Variants in UBR4 observed in about 807,000 individuals in gnomAD.
UBR4 encodes E3 ubiquitin-protein ligase UBR4.
UBR4 carries 124 observed loss-of-function variants against 575.6 expected under a neutral mutation model. That is an observed-to-expected ratio of 0.22 (90% confidence interval 0.19 to 0.25). The LOEUF (loss-of-function observed/expected upper bound fraction) is 0.25, where lower values mean the gene tolerates loss of function less well. UBR4 is among the 10% of genes least tolerant of loss of function. The pLI is 1.00. For synonymous variants in UBR4, 2,455 were observed against 2,473.7 expected (o/e 0.99, Z 0.22); for missense variants, 4,818 against 6,478.8 (o/e 0.74, Z 8.80).
In UBR4 at chr1:19,166,714, CAAAAAAAAA is replaced by C. The variant is rs535369262; in HGVS notation, c.4109+299_4109+307del. ...ACAACATGGCAAACTCCATCTCTACCAAAAAAAAAAAAAAAAAAAAAAAAAAAAAAAAAA... is the reference window on the plus strand; with the variant it reads ...ACAACATGGCAAACTCCATCTCTACCAAAAAAAAAAAAAAAAAAAAAAAAA... On this transcript the variant is annotated intron_variant, in intron 29 of 105. Transcript: ENST00000375254. 8.0e-4 allele frequency among the ~76,000 whole-genome samples: 59 copies of C among 73,714 alleles called. 1 individual carries two copies. Among genetic ancestry groups the C allele is most frequent in the South Asian group, 1.6e-3 (3 of 1,826 alleles). The allele number at this position is 73,714 out of a possible 152,430, so 48.4% of individuals were successfully genotyped here. A position where few individuals can be genotyped will look rare whatever the true frequency, so the allele number is the denominator to read the frequency against.
Position 19,126,512 on chromosome 1 carries a change from C to G in UBR4, c.9372G>C (p.Leu3124Phe). The change falls in exon 64 of 106, where the codon TTG becomes TTC. Residue 3124 changes from leucine (L) to phenylalanine (F), a missense_variant. This residue lies in a region of UBR4 where 550 missense variants were observed against 791.5 expected (regional missense o/e 0.69). Transcript: ENST00000375254. The part of the protein sequence containing the change: ...NDEEPVATSQ[L>F]LKPHTTSSPP... ...GGGAGGAGGTAGTATGTGGTTTCAGCAACTGGCTGGTAGCCACAGGCTCCT... is the reference window on the plus strand; with the variant it reads ...GGGAGGAGGTAGTATGTGGTTTCAGGAACTGGCTGGTAGCCACAGGCTCCT... 1 of 1,614,186 alleles carries G rather than the reference C, an allele frequency of 6.2e-7. No homozygotes were observed. The highest frequency in any genetic ancestry group is 8.5e-7 in the Non-Finnish European group (1 of 1,180,030).
In UBR4 at chr1:19,153,313, T is replaced by C. The variant is rs759277498; in HGVS notation, c.6820A>G (p.Thr2274Ala). The change falls in exon 46 of 106, where the codon ACA becomes GCA. Residue 2274 changes from threonine to alanine, a missense_variant. Coordinates refer to ENST00000375254, the MANE Select transcript of UBR4 (RefSeq NM_020765.3). This position sits in a 1 kb window ranked among gnomAD's most constrained non-coding sequence, Gnocchi z 4.1. ...SIMKPVRKRK[T>A]ATITTRTSSQ... is the part of the protein sequence containing the mutation. Reference sequence around the variant, plus strand: ...GAAGGAGCCTTACTGATTGTAGCTGTTTTGCGCTTTCGAACAGGCTTCATG... The same window carrying C: ...GAAGGAGCCTTACTGATTGTAGCTGCTTTGCGCTTTCGAACAGGCTTCATG... 1 of 1,614,168 alleles carries C rather than the reference T, an allele frequency of 6.2e-7. No individual in the cohort carries two copies. The highest frequency in any genetic ancestry group is 1.3e-5 in the African/African-American group (1 of 75,046).
At chr1:19,095,730 TA>T in intron 92 of UBR4, 78 bp from the exon 93 acceptor site, 1 of 1,355,584 alleles carries the variant, frequency 7.4e-7, no homozygotes, top group Non-Finnish European at 1.1e-6. Context: ...AAGGGATGTC[TA>T]AGCAGGGTCT....
At chr1:19,133,308 T>G (rs1157492935) in intron 60 of UBR4, among the ~76,000 whole-genome samples, 1 of 152,106 alleles carries the variant, frequency 6.6e-6, no homozygotes, top group African/African-American at 2.4e-5. Context: ...TATAAGTGAT[T>G]CAATACATGA....
intron 14 of UBR4, 120 bp from the exon 15 acceptor site, chr1:19,185,406 G>A (rs1417637955): frequency 2.1e-6 from 2 of 972,600 alleles, no homozygotes; most frequent in Non-Finnish European, 2.9e-6. Context: ...TGTGATGATG[G>A]TTACAAGATT....
chr1:19,087,163 CT>C (rs1406134083), intron 99 of UBR4, among the ~76,000 whole-genome samples: 1 of 152,276 alleles, frequency 6.6e-6, no homozygotes. Flanking sequence ...TATTCCCTTG[CT>C]TTTCAAAACC....
intron 52 of UBR4, chr1:19,146,213 C>T (rs2084849282): frequency 1.1e-6 from 1 of 886,572 alleles, no homozygotes; most frequent in African/African-American, 1.7e-5. Flanking sequence ...AACTGTTCAA[C>T]TTCTAAAACG....
At chr1:19,161,205 T>C in intron 37 of UBR4, 58 bp from the exon 38 acceptor site, 1 of 1,512,472 alleles carries the variant, frequency 6.6e-7, no homozygotes, top group Admixed American at 1.8e-5. Flanking sequence ...GAGGAAATAC[T>C]GCCTGAGATC....
chr1:19,204,292 C>G (rs1009268004), intron 1 of UBR4, among the ~76,000 whole-genome samples: 1 of 152,176 alleles, frequency 6.6e-6, no homozygotes, highest in South Asian at 2.1e-4. Context: ...TGAGCCTCCA[C>G]GCCTGGCCCC....
Position 19,148,083 on chromosome 1 carries a change from C to T in UBR4, c.7539G>A (p.Leu2513=). ...NAAQELATLL[L]SLPAPASVQQ... is the part of the protein sequence containing the mutation. ...GGACACTGGCAGGTGCTGGCAGGGA[C>T]AACAGCAAAGTGGCCAGCTCCTGAG... The change falls in exon 51 of 106, where the codon TTG becomes TTA. Residue 2513 remains leucine, a synonymous_variant. Transcript: ENST00000375254. The T allele has an allele frequency of 1.2e-6, 2 of 1,611,088 alleles. No homozygotes were observed. Among genetic ancestry groups the T allele is most frequent in the Non-Finnish European group, 1.7e-6 (2 of 1,179,896 alleles).
Position 19,156,903 on chromosome 1 carries a change from G to A in UBR4, c.5783C>T (p.Ala1928Val). ...GCTGGAATCTGCTTGCTTCAGGAGT[G>A]CAGAGAGCTGCAGAACGGTGATCTG... is the stretch of plus-strand genomic sequence containing the variant. The part of the protein sequence containing the change: ...KGKITVLQLS[A>V]LLKQADSSKR... Residue 1928 changes from alanine (A) to valine (V), a missense_variant, in exon 41 of 106, where the codon GCA becomes GTA. Coordinates refer to ENST00000375254, the MANE Select transcript of UBR4 (RefSeq NM_020765.3). 1 of 1,613,972 alleles carries A rather than the reference G, an allele frequency of 6.2e-7. No homozygotes were observed. The highest frequency in any genetic ancestry group is 8.5e-7 in the Non-Finnish European group (1 of 1,179,908).
In UBR4 at chr1:19,145,868, GGGTGAT is replaced by G; in HGVS notation, c.7864_7869del (p.Ile2622_Thr2623del). ...AGTTTCCAGAAGTGGTTCACAAGCT[GGGTGAT>G]GAAACTACAGCAATCTCCTTCCAAC... On this transcript the variant is annotated inframe_deletion, in exon 53 of 106. Transcript: ENST00000375254. 1 of 1,614,186 alleles carries G rather than the reference GGGTGAT, an allele frequency of 6.2e-7. No individual in the cohort carries two copies. The highest frequency in any genetic ancestry group is 8.5e-7 in the Non-Finnish European group (1 of 1,180,022).
chr1:19,128,245 G>A lies in UBR4; in HGVS notation c.9077C>T (p.Ser3026Phe). Residue 3026 changes from serine (S) to phenylalanine (F), a missense_variant, in exon 62 of 106, where the codon TCC (serine) becomes TTC (phenylalanine). By Grantham distance (155) the Ser-to-Phe change is radical (BLOSUM62 -2). This residue lies in a region of UBR4 where 550 missense variants were observed against 791.5 expected (regional missense o/e 0.69). Transcript: ENST00000375254. ...CATACCCAACTCAGCAATAAGCTGG[G>A]AGAGCAGGTTGTCTAGGGCCCCCTT... ...KDKGALDNLL[S>F]QLIAELGMDK... The A allele has an allele frequency of 6.2e-7, 1 of 1,614,064 alleles. No individual in the cohort carries two copies. The highest frequency in any genetic ancestry group is 8.5e-7 in the Non-Finnish European group (1 of 1,179,974).
chr1:19,140,280 T>C (rs2083714289), intron 58 of UBR4, among the ~76,000 whole-genome samples: 1 of 151,998 alleles, frequency 6.6e-6, no homozygotes, highest in Admixed American at 6.5e-5. Flanking sequence ...TCTGGAGATT[T>C]GCTATAGATT....
At position 19,152,226 on chromosome 1, in the gene UBR4, T is replaced by G; in HGVS notation, c.6996+87A>C. 3 of 1,546,436 alleles carry G rather than the reference T, an allele frequency of 1.9e-6. No homozygotes were observed. The highest frequency in any genetic ancestry group is 1.8e-6 in the Non-Finnish European group (2 of 1,132,010). On this transcript the variant is annotated intron_variant, in intron 47 of 105. Transcript: ENST00000375254. The surrounding 1 kb of genome is among the most constrained non-coding windows in gnomAD (Gnocchi z 4.4). ...GTGACTGTGAGTATATACTCTATACTTGCTTTCTAAAAGGAGATGTGTTCT... is the reference window on the plus strand; with the variant it reads ...GTGACTGTGAGTATATACTCTATACGTGCTTTCTAAAAGGAGATGTGTTCT...
intron 18 of UBR4, 68 bp downstream of exon 18, chr1:19,178,983 A>G (rs1281230253): frequency 6.4e-7 from 1 of 1,569,586 alleles, no homozygotes; most frequent in Non-Finnish European, 8.7e-7. Flanking sequence ...CAGATTAACT[A>G]CAAAGAAGTC....
At position 19,193,455 on chromosome 1, in the gene UBR4, G is replaced by A; in HGVS notation, c.1121C>T (p.Ala374Val). Reference sequence around the variant, plus strand: ...TACACATTTCTGGACAATTGTAGCTGCGTCACTTTCATAGTCATCTTCTTT... The same window carrying A: ...TACACATTTCTGGACAATTGTAGCTACGTCACTTTCATAGTCATCTTCTTT... ...SSKEDDYESD[A>V]ATIVQKCLEI... The change falls in exon 9 of 106, where the codon GCA (alanine) becomes GTA (valine). Residue 374 changes from alanine to valine, a missense_variant. By Grantham distance (64) the Ala-to-Val change is moderately conservative. This residue lies in a region of UBR4 where 131 missense variants were observed against 214.5 expected (regional missense o/e 0.61). Transcript: ENST00000375254. 6.2e-7 allele frequency: 1 copy of A among 1,614,124 alleles called. No individual in the cohort carries two copies. The highest frequency in any genetic ancestry group is 8.5e-7 in the Non-Finnish European group (1 of 1,180,000).
In UBR4 at chr1:19,112,783, G is replaced by A. The variant is rs757207995; in HGVS notation, c.11542C>T (p.Gln3848Ter). 3 of 1,614,106 alleles carry A rather than the reference G, an allele frequency of 1.9e-6. No homozygotes were observed. The highest frequency in any genetic ancestry group is 1.3e-5 in the African/African-American group (1 of 74,952). The change falls in exon 78 of 106, where the codon CAG (glutamine) becomes TAG (stop). Residue 3848 changes from glutamine (Q) to a stop codon, truncating the protein, a stop_gained. Coordinates refer to ENST00000375254, the MANE Select transcript of UBR4 (RefSeq NM_020765.3). LOFTEE classifies it high-confidence loss of function. The part of the protein sequence containing the change: ...AATKSSRTSV[Q>*]PTFTASQYRA... The stretch of plus-strand genomic sequence containing the variant: ...TACTGGCTGGCAGTGAATGTGGGCT[G>A]CACGGAGGTCCGGGATGATTTAGTG...
At chr1:19,084,777 C>A in intron 101 of UBR4, 79 bp from the exon 102 acceptor site, 1 of 1,371,620 alleles carries the variant, frequency 7.3e-7, no homozygotes, top group East Asian at 2.4e-5. Context: ...AGCCTCCTTC[C>A]AGTACTCCCA....
Sources: allele counts gnomAD v4.1 joint callset (sites outside exome capture counted in the v4.1 genomes callset), GRCh38; gene constraint gnomAD v4.1.1; regional missense constraint gnomAD v4.1.1; non-coding constraint Gnocchi (gnomAD v3.1); transcripts MANE v1.5; gene names NCBI Gene and HGNC (gene_info 2026-07-23, HGNC 2026-07-21).